The following TRIM2 variants were observed in gnomAD, a reference collection of about 807,000 sequenced individuals.
TRIM2 encodes tripartite motif containing 2.
TRIM2 carries 20 observed loss-of-function variants against 75.2 expected under a neutral mutation model. The observed-to-expected ratio is 0.27, with a 90% CI of 0.19 to 0.39. The LOEUF is 0.39. Ranked by LOEUF, TRIM2 falls within the 10% of genes least tolerant of loss-of-function variation. TRIM2 has a pLI of 1.00. For synonymous variants in TRIM2, 373 were observed against 388.3 expected, an observed-to-expected ratio of 0.96 and a Z score of 0.46; for missense variants, 660 against 990.8, an observed-to-expected ratio of 0.67 and a Z score of 4.48.
At chr4:153,155,213 T>G (rs1343931506) in intron 1 of TRIM2, among the ~76,000 whole-genome samples, 1 of 152,240 alleles carries the variant, frequency 6.6e-6, no homozygotes, top group African/African-American at 2.4e-5. Flanking sequence ...TCTCAGATTT[T>G]TGCACATGAG....
At chr4:153,247,963 C>G (rs576284119) in intron 1 of TRIM2, among the ~76,000 whole-genome samples, 31 of 149,590 alleles carry the variant, frequency 2.1e-4, no homozygotes, top group African/African-American at 7.4e-4. Context: ...TATGTTCTGA[C>G]TGCTTATGAT....
upstream of TRIM2, among the ~76,000 whole-genome samples, chr4:153,203,000 G>C (rs989569595): frequency 6.6e-6 from 1 of 150,876 alleles, no homozygotes; most frequent in Non-Finnish European, 1.5e-5. Flanking sequence ...AGCTACTCAG[G>C]AGCCTGAGGC....
intron 6 of TRIM2, among the ~76,000 whole-genome samples, chr4:153,299,727 T>G (rs921074007): frequency 6.6e-6 from 1 of 152,176 alleles, no homozygotes; most frequent in Non-Finnish European, 1.5e-5. Context: ...ATCACCTGCT[T>G]TGACCCGAGT....
intron 8 of TRIM2, among the ~76,000 whole-genome samples, chr4:153,320,666 T>C (rs529596002): frequency 7.0e-4 from 107 of 152,308 alleles, no homozygotes; most frequent in Admixed American, 1.4e-3. Flanking sequence ...AGAGTCTCGC[T>C]CTGTCACCCA....
intron 1 of TRIM2, among the ~76,000 whole-genome samples, chr4:153,184,667 C>T (rs564887482): frequency 2.0e-5 from 3 of 152,298 alleles, no homozygotes; most frequent in African/African-American, 4.8e-5. Context: ...CAGTTTTGCT[C>T]ACCTGGAATT....
At chr4:153,292,909 G>A in intron 3 of TRIM2, 73 bp from the exon 4 acceptor site, 1 of 1,351,404 alleles carries the variant, frequency 7.4e-7, no homozygotes, top group Non-Finnish European at 9.7e-7. Context: ...GAGACTGCAA[G>A]GCAAGTGCTT....
chr4:153,324,874 A>T (rs1769817889), intron 10 of TRIM2, among the ~76,000 whole-genome samples: 2 of 152,198 alleles, frequency 1.3e-5, no homozygotes, highest in South Asian at 2.1e-4. Context: ...TTTTATTTTA[A>T]GTTATGCATT....
intron 6 of TRIM2, chr4:153,308,379 A>G (rs1243031871): frequency 1.2e-5 from 12 of 960,794 alleles, no homozygotes; most frequent in Non-Finnish European, 1.7e-5. Flanking sequence ...GATGATCTCA[A>G]TGAGGGAGTC....
chr4:153,244,710 T>C (rs1240833675), intron 1 of TRIM2, among the ~76,000 whole-genome samples: 1 of 152,104 alleles, frequency 6.6e-6, no homozygotes, highest in African/African-American at 2.4e-5. Context: ...AGAGAAAGAA[T>C]TTCTGGCCTG....
intron 6 of TRIM2, among the ~76,000 whole-genome samples, 197 bp downstream of exon 6, chr4:153,296,233 C>T (rs1553994317): frequency 6.6e-6 from 1 of 152,230 alleles, no homozygotes; most frequent in Non-Finnish European, 1.5e-5. Context: ...TCCTTCTCCT[C>T]CGCCTCTAGT....
At chr4:153,300,414 G>A (rs1290730109) in intron 6 of TRIM2, among the ~76,000 whole-genome samples, 1 of 151,990 alleles carries the variant, frequency 6.6e-6, no homozygotes, top group Non-Finnish European at 1.5e-5. Context: ...CAAGTAGCTG[G>A]GACCACAGAT....
chr4:153,290,335 A>T (rs759787004), intron 3 of TRIM2, among the ~76,000 whole-genome samples: 1 of 152,238 alleles, frequency 6.6e-6, no homozygotes, highest in Non-Finnish European at 1.5e-5. Context: ...CACTGCGTAT[A>T]GTTTTAGATC....
rs1553981981 is a variant in TRIM2, at chr4:153,260,724, ACAT to A, written c.31-9592_31-9590del. On this transcript the variant is annotated intron_variant, in intron 1 of 11. Coordinates refer to ENST00000338700, the MANE Select transcript of TRIM2 (RefSeq NM_015271.5). ...CCCACACACACACACACACACACAC[ACAT>A]CATCATCATCATCATCATGATCATC... Among the ~76,000 whole-genome samples the A allele has an allele frequency of 2.5e-4, 28 of 112,630 alleles. 1 individual carries two copies. Among genetic ancestry groups the A allele is most frequent in the Admixed American group, 4.2e-4 (4 of 9,492 alleles). The allele number at this position is 112,630 out of a possible 152,430, so 73.9% of individuals were successfully genotyped here. A position where few individuals can be genotyped will look rare whatever the true frequency, so the allele number is the denominator to read the frequency against.
intron 1 of TRIM2, among the ~76,000 whole-genome samples, chr4:153,166,313 G>C (rs1013924851): frequency 3.9e-5 from 6 of 152,010 alleles, no homozygotes; most frequent in African/African-American, 1.4e-4. Context: ...AGTGATCTCT[G>C]ACTGTCCATT....
At chr4:153,319,826 C>G (rs187713135) in intron 8 of TRIM2, among the ~76,000 whole-genome samples, 1 of 152,190 alleles carries the variant, frequency 6.6e-6, no homozygotes, top group African/African-American at 2.4e-5. Context: ...TTACCTTTCA[C>G]TTGGTTGAAT....
Position 153,155,169 on chromosome 4 carries a change from C to A in TRIM2, c.-49+1899C>A, listed in dbSNP as rs138762150. ...AAAAAGAAAGAAAGAAAAAATGTGT[C>A]CCAAATTTTGGTTTTCCATCTCAGA... On this transcript the variant is annotated intron_variant, in intron 1 of 11. Transcript: ENST00000437508. 3.6e-3 allele frequency among the ~76,000 whole-genome samples: 545 copies of A among 152,194 alleles called. 5 individuals are homozygous for A. Among genetic ancestry groups the A allele is most frequent in the African/African-American group, 0.013 (522 of 41,530 alleles).
intron 1 of TRIM2, among the ~76,000 whole-genome samples, chr4:153,210,190 A>T (rs1334546682): frequency 2.0e-5 from 3 of 149,834 alleles, no homozygotes; most frequent in Admixed American, 1.4e-4. Flanking sequence ...TCAGCCTCCC[A>T]AGTAGCTGGG....
chr4:153,266,577 G>A (rs950942767), intron 1 of TRIM2, among the ~76,000 whole-genome samples: 8 of 151,534 alleles, frequency 5.3e-5, no homozygotes, highest in Admixed American at 1.3e-4. Flanking sequence ...TCTTGACCTC[G>A]TGATCTGCCC....
At chr4:153,169,225 A>G (rs1730605634) in intron 1 of TRIM2, among the ~76,000 whole-genome samples, 1 of 152,240 alleles carries the variant, frequency 6.6e-6, no homozygotes, top group Non-Finnish European at 1.5e-5. Flanking sequence ...AACTTGATAC[A>G]TATTGAAGAG....
Sources: allele counts gnomAD v4.1 joint callset (sites outside exome capture counted in the v4.1 genomes callset), GRCh38; gene constraint gnomAD v4.1.1; transcripts MANE v1.5; gene names NCBI Gene and HGNC (gene_info 2026-07-23, HGNC 2026-07-21).